The following MDGA2 variants were observed in gnomAD, a reference collection of about 807,000 sequenced individuals.
The protein encoded by MDGA2 is MAM domain containing glycosylphosphatidylinositol anchor 2, also known as MAM domain-containing glycosylphosphatidylinositol anchor protein 2.
Under a neutral mutation model 117.8 loss-of-function variants are expected in MDGA2, and 40 were observed. The ratio of observed to expected loss-of-function variants is 0.34; its 90% confidence interval spans 0.26 to 0.44. The LOEUF (loss-of-function observed/expected upper bound fraction) is 0.44, where lower values mean the gene tolerates loss of function less well. Among genes scored for constraint, MDGA2 ranks in the 20% least tolerant of loss-of-function variants. MDGA2 has a pLI of 1.00. For missense variants in MDGA2, 1,123 were observed against 1,250.6 expected (o/e 0.90, Z 1.54); for synonymous variants, 452 against 439.0 (o/e 1.03, Z -0.37).
chr14:47,564,634 G>T (rs548681782), intron 1 of MDGA2, among the ~76,000 whole-genome samples: 1 of 152,264 alleles, frequency 6.6e-6, no homozygotes, highest in East Asian at 1.9e-4. Flanking sequence ...ATTTGGGTGG[G>T]GACACAGAGC....
intron 1 of MDGA2, among the ~76,000 whole-genome samples, chr14:47,573,213 A>C (rs1326594979): frequency 6.6e-6 from 1 of 152,206 alleles, no homozygotes; most frequent in Non-Finnish European, 1.5e-5. Flanking sequence ...TCAAAATATC[A>C]ATGAAAAGAT....
chr14:47,350,744 G>T (rs565357385), intron 1 of MDGA2, among the ~76,000 whole-genome samples: 1 of 152,300 alleles, frequency 6.6e-6, no homozygotes, highest in Non-Finnish European at 1.5e-5. Context: ...CATTTCAATA[G>T]CTCTCAAGTA....
intron 1 of MDGA2, among the ~76,000 whole-genome samples, chr14:47,580,053 C>T (rs1334467057): frequency 6.6e-6 from 1 of 152,046 alleles, no homozygotes; most frequent in Admixed American, 6.6e-5. Context: ...GTCAAATTCA[C>T]ACCCCAATTA....
chr14:47,217,519 T>A (rs1406389317), intron 3 of MDGA2, among the ~76,000 whole-genome samples: 1 of 152,000 alleles, frequency 6.6e-6, no homozygotes, highest in Admixed American at 6.6e-5. Flanking sequence ...TTAACAGAAT[T>A]GGACCAAAAG....
chr14:46,968,953 G>GA lies in MDGA2; in HGVS notation c.1820-11311dup, dbSNP rs372713311. Among the ~76,000 whole-genome samples the GA allele has an allele frequency of 3.4e-3, 511 of 151,678 alleles. 4 individuals are homozygous for GA. Among genetic ancestry groups the GA allele is most frequent in the African/African-American group, 0.012 (481 of 41,316 alleles). ...TATATACCAATAATGAACTAGCTGAGAAAAAATCAAGAAAACAATCCCACT... is the reference window on the plus strand; with the variant it reads ...TATATACCAATAATGAACTAGCTGAGAAAAAAATCAAGAAAACAATCCCACT... On this transcript the variant is annotated intron_variant, in intron 8 of 16. Transcript: ENST00000399232.
At chr14:46,963,068 T>C (rs1044479495) in intron 8 of MDGA2, among the ~76,000 whole-genome samples, 2 of 152,172 alleles carry the variant, frequency 1.3e-5, no homozygotes, top group African/African-American at 2.4e-5. Context: ...TTAAGGAATA[T>C]AGTGAAGCAT....
chr14:47,363,515 C>A (rs1018582036), intron 1 of MDGA2, among the ~76,000 whole-genome samples: 2 of 152,108 alleles, frequency 1.3e-5, no homozygotes, highest in Admixed American at 6.5e-5. Flanking sequence ...ACCTCAGCCT[C>A]CCAAAGTACT....
At chr14:46,971,011 A>G (rs977236315) in intron 8 of MDGA2, among the ~76,000 whole-genome samples, 5 of 152,076 alleles carry the variant, frequency 3.3e-5, no homozygotes, top group Non-Finnish European at 7.4e-5. Flanking sequence ...TACCCCAGTT[A>G]GAATGGCTAT....
At chr14:47,396,026 G>A (rs987602573) in intron 1 of MDGA2, among the ~76,000 whole-genome samples, 1 of 152,144 alleles carries the variant, frequency 6.6e-6, no homozygotes, top group Admixed American at 6.5e-5. Flanking sequence ...TGTTTCATAA[G>A]TGTTGGAATG....
At chr14:47,317,569 C>T (rs546742692) in intron 1 of MDGA2, among the ~76,000 whole-genome samples, 90 of 152,054 alleles carry the variant, frequency 5.9e-4, no homozygotes, top group African/African-American at 1.9e-3. Context: ...TCAAGAAAAG[C>T]TTCCTGTAAT....
At chr14:47,583,964 T>G (rs1464384020) in intron 1 of MDGA2, among the ~76,000 whole-genome samples, 1 of 151,822 alleles carries the variant, frequency 6.6e-6, no homozygotes, top group Non-Finnish European at 1.5e-5. Flanking sequence ...ACTAGGCAAT[T>G]AAGTTACTTA....
At chr14:47,375,084 T>C (rs1198628089) in intron 1 of MDGA2, among the ~76,000 whole-genome samples, 2 of 151,888 alleles carry the variant, frequency 1.3e-5, no homozygotes, top group South Asian at 2.1e-4. Context: ...AACCTGTTTT[T>C]TTTAATTTTT....
At chr14:47,572,402 G>A (rs1270872862) in intron 1 of MDGA2, among the ~76,000 whole-genome samples, 1 of 152,098 alleles carries the variant, frequency 6.6e-6, no homozygotes, top group East Asian at 1.9e-4. Flanking sequence ...AAATATTTGG[G>A]ATCATGTTAT....
Position 47,171,491 on chromosome 14 carries a change from T to C in MDGA2, c.596-27217A>G, listed in dbSNP as rs1015708293. On this transcript the variant is annotated intron_variant, in intron 3 of 16. Transcript: ENST00000399232. ...TATATGAAAAATGTAACTACTTTTCTAGGATTCTTCTCAATTATTCATTAC... is the reference window on the plus strand; with the variant it reads ...TATATGAAAAATGTAACTACTTTTCCAGGATTCTTCTCAATTATTCATTAC... 3.9e-5 allele frequency among the ~76,000 whole-genome samples: 6 copies of C among 152,330 alleles called. No individual in the cohort carries two copies. In the South Asian group the frequency reaches 1.2e-3, roughly 32 times the overall value.
chr14:46,942,817 T>C (rs1885045487), intron 9 of MDGA2, among the ~76,000 whole-genome samples: 1 of 152,146 alleles, frequency 6.6e-6, no homozygotes, highest in East Asian at 1.9e-4. Flanking sequence ...TTGGATTGTT[T>C]CTAGTTTGAG....
chr14:47,563,143 G>A (rs1221386503), intron 1 of MDGA2, among the ~76,000 whole-genome samples: 2 of 152,038 alleles, frequency 1.3e-5, no homozygotes, highest in East Asian at 1.9e-4. Context: ...TCTGAGGATT[G>A]CTTGATGTCT....
chr14:47,620,502 A>G (rs1897029717), intron 1 of MDGA2, among the ~76,000 whole-genome samples: 1 of 152,244 alleles, frequency 6.6e-6, no homozygotes. Flanking sequence ...ATAGATGTAT[A>G]TTGTAGATGC....
chr14:47,136,642 G>A (rs547443697), intron 4 of MDGA2, among the ~76,000 whole-genome samples: 1 of 152,082 alleles, frequency 6.6e-6, no homozygotes, highest in Non-Finnish European at 1.5e-5. Context: ...ATTTATATAT[G>A]TTTTTATCAT....
intron 1 of MDGA2, among the ~76,000 whole-genome samples, chr14:47,321,854 T>C (rs1023421287): frequency 2.0e-5 from 3 of 152,212 alleles, no homozygotes; most frequent in Non-Finnish European, 4.4e-5. Flanking sequence ...TAACTACTAA[T>C]TGGTAACATT....
Sources: allele counts gnomAD v4.1 joint callset (sites outside exome capture counted in the v4.1 genomes callset), GRCh38; gene constraint gnomAD v4.1.1; transcripts MANE v1.5; gene names NCBI Gene and HGNC (gene_info 2026-07-23, HGNC 2026-07-21).